MTA3: variants seen among roughly 807,000 people sequenced by gnomAD.
MTA3 encodes metastasis-associated protein MTA3.
In MTA3, 34 loss-of-function variants were observed where a neutral mutation model predicts 83.5. The observed-to-expected ratio is 0.41, with a 90% CI of 0.31 to 0.54. The LOEUF (loss-of-function observed/expected upper bound fraction) is 0.54. MTA3 is among the 20% of genes least tolerant of loss of function. The pLI is 0.33. For missense variants in MTA3, 761 were observed against 726.4 expected (o/e 1.05, Z -0.55); for synonymous variants, 303 against 252.7 (o/e 1.20, Z -1.89).
chr2:42,577,378 C>T (rs1413330188), intron 2 of MTA3, among the ~76,000 whole-genome samples: 1 of 151,806 alleles, frequency 6.6e-6, no homozygotes, highest in South Asian at 2.1e-4. Flanking sequence ...CTCCCCGCCC[C>T]CTAAGCAGGT....
chr2:42,522,328 G>C (rs1675467937), intron 2 of MTA3, among the ~76,000 whole-genome samples: 1 of 152,184 alleles, frequency 6.6e-6, no homozygotes. Flanking sequence ...GAGCACTGTG[G>C]CATCCCTGGG....
At chr2:42,635,806 A>AG in intron 4 of MTA3, among the ~76,000 whole-genome samples, 1 of 152,062 alleles carries the variant, frequency 6.6e-6, no homozygotes, top group African/African-American at 2.4e-5. Context: ...TCACTCTGTC[A>AG]CCCAGGCTCG....
intron 2 of MTA3, among the ~76,000 whole-genome samples, chr2:42,549,238 C>T (rs1484861723): frequency 2.4e-5 from 3 of 126,580 alleles, no homozygotes; most frequent in Non-Finnish European, 1.6e-5. Context: ...TATATGTATA[C>T]GTATATAATA....
At chr2:42,675,229 G>T (rs1691231803) in intron 8 of MTA3, among the ~76,000 whole-genome samples, 1 of 151,908 alleles carries the variant, frequency 6.6e-6, no homozygotes, top group Non-Finnish European at 1.5e-5. Context: ...GCCGCCTCCT[G>T]AGTTCAAGCG....
intron 12 of MTA3, among the ~76,000 whole-genome samples, chr2:42,704,674 CT>C (rs1490031245): frequency 1.3e-5 from 2 of 152,176 alleles, no homozygotes; most frequent in Non-Finnish European, 2.9e-5. Context: ...TCTCAGTATA[CT>C]TTGACAAATT....
upstream of MTA3, among the ~76,000 whole-genome samples, chr2:42,564,252 C>T (rs538443245): frequency 6.6e-6 from 1 of 152,186 alleles, no homozygotes; most frequent in Non-Finnish European, 1.5e-5. Flanking sequence ...GGTAATGTTA[C>T]TAGAGAAGGA....
At chr2:42,637,022 G>A (rs1687271869) in intron 4 of MTA3, among the ~76,000 whole-genome samples, 1 of 152,142 alleles carries the variant, frequency 6.6e-6, no homozygotes, top group Non-Finnish European at 1.5e-5. Context: ...AGGATTATAT[G>A]GGACATACCA....
At chr2:42,538,723 A>G (rs1483719317) in intron 2 of MTA3, among the ~76,000 whole-genome samples, 7 of 149,982 alleles carry the variant, frequency 4.7e-5, no homozygotes, top group South Asian at 2.1e-4. Context: ...AAAAAAAAAA[A>G]AAAGAAAAAG....
chr2:42,508,516 A>G (rs1337639814), intron 2 of MTA3, among the ~76,000 whole-genome samples: 1 of 151,560 alleles, frequency 6.6e-6, no homozygotes, highest in Non-Finnish European at 1.5e-5. Flanking sequence ...TATCTTGTGT[A>G]GAGATGGGGT....
chr2:42,651,745 C>T (rs777315385), intron 6 of MTA3, among the ~76,000 whole-genome samples: 9 of 150,330 alleles, frequency 6.0e-5, no homozygotes, highest in Non-Finnish European at 1.3e-4. Flanking sequence ...CTGCAGTGAG[C>T]TGTGGTTGTC....
intron 3 of MTA3, among the ~76,000 whole-genome samples, chr2:42,585,670 C>T (rs1401432574): frequency 1.3e-5 from 2 of 151,822 alleles, no homozygotes; most frequent in African/African-American, 4.8e-5. Flanking sequence ...GACCGGGTTT[C>T]ACCGTGTTGG....
At chr2:42,653,971 C>G (rs1383803147) in intron 6 of MTA3, among the ~76,000 whole-genome samples, 1 of 152,210 alleles carries the variant, frequency 6.6e-6, no homozygotes, top group South Asian at 2.1e-4. Context: ...TCTCCATTCT[C>G]AGGTTTCATG....
chr2:42,655,870 C>T (rs1230308596), intron 6 of MTA3, among the ~76,000 whole-genome samples: 2 of 152,112 alleles, frequency 1.3e-5, no homozygotes, highest in Non-Finnish European at 2.9e-5. Context: ...CCCAAAGTGC[C>T]GAGATTACAG....
chr2:42,605,802 C>T (rs1348393271), intron 3 of MTA3, among the ~76,000 whole-genome samples: 2 of 124,662 alleles, frequency 1.6e-5, no homozygotes, highest in African/African-American at 3.1e-5. Context: ...GCAGAGGCGC[C>T]CCTCAGCTCC....
At chr2:42,752,223 C>T (rs1669927512) in intron 16 of MTA3, 1 of 471,456 alleles carries the variant, frequency 2.1e-6, no homozygotes, top group African/African-American at 2.0e-5. Flanking sequence ...CAGGTATCTT[C>T]CCTATCCTAG....
At chr2:42,530,332 A>G (rs1481384628) in intron 2 of MTA3, among the ~76,000 whole-genome samples, 1 of 148,786 alleles carries the variant, frequency 6.7e-6, no homozygotes, top group Admixed American at 6.7e-5. Flanking sequence ...CTAAAAATAC[A>G]AAAAATTAGC....
chr2:42,525,671 TTTCG>T (rs1675676278), intron 2 of MTA3, among the ~76,000 whole-genome samples: 1 of 151,308 alleles, frequency 6.6e-6, no homozygotes, highest in African/African-American at 2.4e-5. Flanking sequence ...TCTTTCTTTC[TTTCG>T]TAGATGAGGT....
intron 2 of MTA3, among the ~76,000 whole-genome samples, chr2:42,560,731 T>C (rs897648728): frequency 6.6e-6 from 1 of 150,436 alleles, no homozygotes; most frequent in Non-Finnish European, 1.5e-5. Context: ...ATAGTAAAAC[T>C]CCATCTCTAC....
chr2:42,651,250 T>A (rs940291189), intron 6 of MTA3, among the ~76,000 whole-genome samples: 3 of 152,164 alleles, frequency 2.0e-5, no homozygotes, highest in Admixed American at 6.6e-5. Flanking sequence ...GGTGAGTCAG[T>A]GAGTGAGTGG....
Sources: allele counts gnomAD v4.1 joint callset (sites outside exome capture counted in the v4.1 genomes callset), GRCh38; gene constraint gnomAD v4.1.1; transcripts MANE v1.5; gene names NCBI Gene and HGNC (gene_info 2026-07-23, HGNC 2026-07-21).